The following CEP192 variants were observed in gnomAD, a reference collection of about 807,000 sequenced individuals.
The protein encoded by CEP192 is centrosomal protein 192, also known as centrosomal protein of 192 kDa.
A neutral mutation model predicts 271.8 loss-of-function variants in CEP192; 151 were observed. The observed-to-expected ratio is 0.56, with a 90% CI of 0.49 to 0.64. The LOEUF (loss-of-function observed/expected upper bound fraction) is 0.64. Among genes scored for constraint, CEP192 ranks in the 30% least tolerant of loss-of-function variants. The pLI, the probability that CEP192 is intolerant of heterozygous loss-of-function variation, is 0.00. For missense variants in CEP192, 2,910 were observed against 3,020.5 expected (o/e 0.96, Z 0.86); for synonymous variants, 995 against 1,076.5 (o/e 0.92, Z 1.48).
At chr18:13,063,585 T>G (rs2037523769) in intron 21 of CEP192, among the ~76,000 whole-genome samples, 1 of 152,104 alleles carries the variant, frequency 6.6e-6, no homozygotes, top group South Asian at 2.1e-4. Flanking sequence ...TCCCATAGAG[T>G]TGTTTGAGCC....
chr18:13,117,701 G>A, intron 44 of CEP192, 58 bp downstream of exon 44: 2 of 1,352,996 alleles, frequency 1.5e-6, no homozygotes, highest in South Asian at 2.4e-5. Flanking sequence ...TCGTCTCTTG[G>A]GAGTTGGGGC....
At position 13,056,158 on chromosome 18, in the gene CEP192, C is replaced by G; in HGVS notation, c.3568C>G (p.Gln1190Glu). The stretch of plus-strand genomic sequence containing the variant: ...AGCCACATCACACCCTGTGTCCTGC[C>G]AGGAGCCTATAGATGAAGATCAAAG... Reference protein sequence around the residue: ...GSATSHPVSCQEPIDEDQRIS... With the variant: ...GSATSHPVSCEEPIDEDQRIS... The change falls in exon 19 of 45, where the codon CAG becomes GAG. Residue 1190 changes from glutamine (Q) to glutamate (E), a missense_variant. Gln to Glu is a conservative substitution (Grantham distance 29, BLOSUM62 2). Coordinates refer to ENST00000506447, the MANE Select transcript of CEP192 (RefSeq NM_032142.4). The G allele has an allele frequency of 6.2e-7, 1 of 1,613,680 alleles. No individual in the cohort carries two copies. Among genetic ancestry groups the G allele is most frequent in the Non-Finnish European group, 8.5e-7 (1 of 1,179,752 alleles).
intron 9 of CEP192, among the ~76,000 whole-genome samples, chr18:13,023,113 TACAA>T (rs1240760269): frequency 1.3e-5 from 2 of 152,340 alleles, no homozygotes; most frequent in African/African-American, 2.4e-5. Flanking sequence ...TCATGTCATC[TACAA>T]ACAAAGACAG....
chr18:13,095,356 C>G, intron 34 of CEP192, 147 bp from the exon 35 acceptor site: 1 of 655,370 alleles, frequency 1.5e-6, no homozygotes, highest in Non-Finnish European at 2.6e-6. Flanking sequence ...CTAAAAAATA[C>G]CTGATAACTC....
intron 21 of CEP192, among the ~76,000 whole-genome samples, chr18:13,065,096 T>C (rs577536639): frequency 8.1e-4 from 124 of 152,274 alleles, no homozygotes; most frequent in African/African-American, 2.9e-3. Flanking sequence ...TGCTGGCATA[T>C]AGAAATGCTA....
intron 5 of CEP192, among the ~76,000 whole-genome samples, chr18:13,014,500 G>A (rs1467738853): frequency 6.6e-6 from 1 of 152,112 alleles, no homozygotes; most frequent in East Asian, 1.9e-4. Context: ...AGACAGGGAT[G>A]TTTTACATAT....
chr18:13,105,343 C>T (rs532104204), intron 40 of CEP192, among the ~76,000 whole-genome samples: 34 of 152,284 alleles, frequency 2.2e-4, no homozygotes, highest in Non-Finnish European at 4.0e-4. Context: ...CTGATGGAGA[C>T]GAGAGTTTTG....
chr18:12,999,669 A>C, intron 2 of CEP192, 81 bp downstream of exon 2: 1 of 1,071,554 alleles, frequency 9.3e-7, no homozygotes, highest in Admixed American at 3.7e-5. Flanking sequence ...TTCTCAGTCA[A>C]GCTTGAGCTT....
At chr18:13,069,349 T>C (rs1364654056) in intron 26 of CEP192, among the ~76,000 whole-genome samples, 168 bp downstream of exon 26, 3 of 152,208 alleles carry the variant, frequency 2.0e-5, no homozygotes, top group Admixed American at 1.3e-4. Flanking sequence ...GCATAAAATA[T>C]ATGCTGTGGT....
intron 30 of CEP192, among the ~76,000 whole-genome samples, chr18:13,078,011 G>A (rs1178114391): frequency 6.6e-6 from 1 of 152,022 alleles, no homozygotes; most frequent in Non-Finnish European, 1.5e-5. Context: ...AGGTATACAC[G>A]TGCCATGGTG....
chr18:13,117,630 A>C lies in CEP192; in HGVS notation c.7462A>C (p.Lys2488Gln), dbSNP rs769804272. 6.2e-7 allele frequency: 1 copy of C among 1,612,812 alleles called. No individual in the cohort carries two copies. Among genetic ancestry groups the C allele is most frequent in the Non-Finnish European group, 8.5e-7 (1 of 1,178,850 alleles). The change falls in exon 44 of 45, where the codon AAG becomes CAG. Residue 2488 changes from lysine (K) to glutamine (Q), a missense_variant. Coordinates refer to ENST00000506447, the MANE Select transcript of CEP192 (RefSeq NM_032142.4). ...AGAGCCATTCTATGTCAAACATTCCAAGTACTCTTTGAGGTAAGTTTATCG... is the reference window on the plus strand; with the variant it reads ...AGAGCCATTCTATGTCAAACATTCCCAGTACTCTTTGAGGTAAGTTTATCG... The part of the protein sequence containing the change: ...PREPFYVKHS[K>Q]YSLRAQHYIN...
chr18:12,993,712 T>C (rs1375003923), intron 1 of CEP192, among the ~76,000 whole-genome samples: 1 of 152,150 alleles, frequency 6.6e-6, no homozygotes, highest in Non-Finnish European at 1.5e-5. Context: ...TCTGGCCTCA[T>C]TTGTGCTATG....
intron 5 of CEP192, 58 bp downstream of exon 5, chr18:13,013,083 A>G: frequency 1.2e-6 from 1 of 804,930 alleles, no homozygotes; most frequent in Non-Finnish European, 2.0e-6. Flanking sequence ...GTAAAATTTC[A>G]TATTTCGCAT....
chr18:13,013,056 TG>T, intron 5 of CEP192, 31 bp downstream of exon 5: 1 of 1,127,242 alleles, frequency 8.9e-7, no homozygotes, highest in Non-Finnish European at 1.3e-6. Flanking sequence ...TATCATTTTC[TG>T]GAGTACTATA....
chr18:13,085,501 T>G (rs1291460460), intron 30 of CEP192, among the ~76,000 whole-genome samples: 2 of 152,224 alleles, frequency 1.3e-5, no homozygotes, highest in Non-Finnish European at 2.9e-5. Context: ...TTGCCTAGGT[T>G]TTCTTCCAGA....
intron 6 of CEP192, among the ~76,000 whole-genome samples, chr18:13,016,814 C>G (rs759146133): frequency 1.1e-4 from 17 of 152,108 alleles, no homozygotes; most frequent in Non-Finnish European, 1.8e-4. Flanking sequence ...CCCTTTCTTT[C>G]TTTTACTTCT....
At chr18:13,084,504 T>C (rs1284614212) in intron 30 of CEP192, among the ~76,000 whole-genome samples, 1 of 152,142 alleles carries the variant, frequency 6.6e-6, no homozygotes, top group African/African-American at 2.4e-5. Flanking sequence ...GGCGGGATTG[T>C]CCCGATTTTC....
At chr18:13,053,922 G>GCTC (rs2036942600) in intron 18 of CEP192, among the ~76,000 whole-genome samples, 1 of 152,074 alleles carries the variant, frequency 6.6e-6, no homozygotes, top group African/African-American at 2.4e-5. Context: ...GTACTCCTGG[G>GCTC]CTCAGGTGTT....
chr18:13,005,606 A>T (rs2033933372), intron 3 of CEP192, among the ~76,000 whole-genome samples: 1 of 151,996 alleles, frequency 6.6e-6, no homozygotes, highest in African/African-American at 2.4e-5. Flanking sequence ...GGAGTCTTAG[A>T]CTCAGTGCCT....
Sources: allele counts gnomAD v4.1 joint callset (sites outside exome capture counted in the v4.1 genomes callset), GRCh38; gene constraint gnomAD v4.1.1; transcripts MANE v1.5; gene names NCBI Gene and HGNC (gene_info 2026-07-23, HGNC 2026-07-21).